The following DNAAF9 variants were observed in gnomAD, a reference collection of about 807,000 sequenced individuals.
DNAAF9 encodes the protein dynein axonemal assembly factor 9, also known as shulin.
Under a neutral mutation model 167.0 loss-of-function variants are expected in DNAAF9, and 90 were observed. The ratio of observed to expected loss-of-function variants is 0.54; its 90% CI spans 0.45 to 0.64. The LOEUF (loss-of-function observed/expected upper bound fraction) is 0.64. Ranked by LOEUF, DNAAF9 falls within the 30% of genes least tolerant of loss-of-function variation. The probability of loss-of-function intolerance (pLI) is 0.00; values close to 1 mark genes in which losing one functional copy is unlikely to be tolerated. For missense variants in DNAAF9, 1,315 were observed against 1,442.2 expected (o/e 0.91, Z 1.43); for synonymous variants, 491 against 508.8 (o/e 0.96, Z 0.47).
At position 3,394,942 on chromosome 20, in the gene DNAAF9, CTTTTTTCTTTTTTTTTTTTTTTT is replaced by C. The variant is rs1293825340; in HGVS notation, c.84-12459_84-12437del. ...TTCCATGGCTTTTACTGAACATTTT[CTTTTTTCTTTTTTTTTTTTTTTT>C]TTTTTTTTTTTTTTTTTTTTGAGAC... On this transcript the variant is annotated intron_variant, in intron 1 of 36. Coordinates refer to ENST00000252032, the MANE Select transcript of DNAAF9 (RefSeq NM_001009984.3). 1.3e-3 allele frequency among the ~76,000 whole-genome samples: 119 copies of C among 89,034 alleles called. 2 individuals are homozygous for C. The highest frequency in any genetic ancestry group is 2.2e-3 in the Non-Finnish European group (93 of 42,880). The allele number at this position is 89,034 out of a possible 152,430, so 58.4% of individuals were successfully genotyped here.
intron 33 of DNAAF9, among the ~76,000 whole-genome samples, chr20:3,258,479 T>C (rs568055948): frequency 2.9e-4 from 44 of 152,252 alleles, no homozygotes; most frequent in African/African-American, 1.0e-3. Flanking sequence ...CCATGGGTGA[T>C]GGGTCCAGAA....
intron 7 of DNAAF9, among the ~76,000 whole-genome samples, chr20:3,358,533 C>A (rs2083319094): frequency 6.6e-6 from 1 of 152,200 alleles, no homozygotes; most frequent in African/African-American, 2.4e-5. Flanking sequence ...ATCCACCTGC[C>A]TCAGCCTCCT....
chr20:3,353,553 G>A (rs2070367451), intron 7 of DNAAF9, among the ~76,000 whole-genome samples: 1 of 151,810 alleles, frequency 6.6e-6, no homozygotes, highest in Non-Finnish European at 1.5e-5. Flanking sequence ...ACTTGAGACT[G>A]GGAGGCAGAG....
At chr20:3,376,803 G>C (rs1402394914) in intron 3 of DNAAF9, among the ~76,000 whole-genome samples, 2 of 152,184 alleles carry the variant, frequency 1.3e-5, no homozygotes, top group Non-Finnish European at 2.9e-5. Context: ...GGTGGCTCAC[G>C]CCTGTAATCC....
intron 13 of DNAAF9, 74 bp from the exon 14 acceptor site, chr20:3,325,042 C>G (rs2069686178): frequency 1.2e-6 from 1 of 832,666 alleles, no homozygotes; most frequent in African/African-American, 1.7e-5. Context: ...TGGAAGGGCC[C>G]TCCTAACACT....
intron 7 of DNAAF9, among the ~76,000 whole-genome samples, chr20:3,357,821 C>A (rs1427166578): frequency 6.6e-6 from 1 of 151,604 alleles, no homozygotes; most frequent in African/African-American, 2.4e-5. Flanking sequence ...CCACTCTGGG[C>A]AACACAGCAA....
chr20:3,308,696 G>T (rs1235870322), intron 20 of DNAAF9, among the ~76,000 whole-genome samples: 1 of 151,366 alleles, frequency 6.6e-6, no homozygotes, highest in Non-Finnish European at 1.5e-5. Context: ...GCTCCCTCCA[G>T]CCAGGTACAG....
intron 10 of DNAAF9, among the ~76,000 whole-genome samples, chr20:3,337,215 T>C (rs2069974541): frequency 6.6e-6 from 1 of 151,798 alleles, no homozygotes; most frequent in Admixed American, 6.6e-5. Context: ...TATTTCGTTG[T>C]TGAAACTTTC....
intron 1 of DNAAF9, among the ~76,000 whole-genome samples, chr20:3,386,085 G>A (rs899276791): frequency 5.3e-5 from 8 of 152,132 alleles, no homozygotes; most frequent in African/African-American, 1.2e-4. Context: ...TCAGGAGTTC[G>A]AGGCCAGCCT....
chr20:3,323,681 CT>C (rs1468991730), intron 14 of DNAAF9, among the ~76,000 whole-genome samples: 1 of 152,204 alleles, frequency 6.6e-6, no homozygotes, highest in African/African-American at 2.4e-5. Context: ...CTTCTTGTGC[CT>C]TTCTCCAGCT....
intron 6 of DNAAF9, among the ~76,000 whole-genome samples, chr20:3,361,653 A>T (rs1204144130): frequency 6.6e-6 from 1 of 152,278 alleles, no homozygotes; most frequent in Non-Finnish European, 1.5e-5. Flanking sequence ...AACTACATGG[A>T]CAGTGGCTAC....
At chr20:3,260,345 CA>C (rs773574489) in intron 31 of DNAAF9, among the ~76,000 whole-genome samples, 15 of 148,404 alleles carry the variant, frequency 1.0e-4, no homozygotes, top group Admixed American at 4.0e-4. Flanking sequence ...GACTCCGTCT[CA>C]AAAAAAAAAA....
chr20:3,305,407 G>A (rs1443546718), intron 20 of DNAAF9, among the ~76,000 whole-genome samples: 3 of 152,228 alleles, frequency 2.0e-5, no homozygotes, highest in Admixed American at 2.0e-4. Context: ...CGCATATAGA[G>A]GGAGATGAAG....
In DNAAF9 at chr20:3,340,582, A is replaced by G. The variant is rs1359324431; in HGVS notation, c.903T>C (p.Asn301=). ...CAGAAGGGAAGTTAAAGTTGCCAGCATTCAGGTTTTCTCGTGTGGAGTGAT... is the reference window on the plus strand; with the variant it reads ...CAGAAGGGAAGTTAAAGTTGCCAGCGTTCAGGTTTTCTCGTGTGGAGTGAT... ...FGNHSTRENL[N]AGNFNFPSEG... The change falls in exon 10 of 37, where the codon AAT becomes AAC. Residue 301 remains asparagine, a synonymous_variant. Transcript: ENST00000252032. 7 of 1,613,810 alleles carry G rather than the reference A, an allele frequency of 4.3e-6. No individual in the cohort carries two copies. The highest frequency in any genetic ancestry group is 5.1e-6 in the Non-Finnish European group (6 of 1,179,850).
intron 35 of DNAAF9, 79 bp from the exon 36 acceptor site, chr20:3,253,898 TTTCC>T: frequency 2.4e-6 from 2 of 848,944 alleles, no homozygotes; most frequent in Non-Finnish European, 4.0e-6. Context: ...AACAAGTCTA[TTTCC>T]CTAGCAAGAT....
At chr20:3,355,625 C>G (rs903753893) in intron 7 of DNAAF9, among the ~76,000 whole-genome samples, 9 of 151,898 alleles carry the variant, frequency 5.9e-5, no homozygotes, top group African/African-American at 1.9e-4. Flanking sequence ...TTATCAAATG[C>G]CTTTTTTTAG....
intron 25 of DNAAF9, 80 bp from the exon 26 acceptor site, chr20:3,290,297 G>C (rs1223422553): frequency 3.3e-6 from 3 of 915,874 alleles, no homozygotes; most frequent in Non-Finnish European, 5.4e-6. Flanking sequence ...CTGACTTCTG[G>C]TGCCAAGCAT....
intron 33 of DNAAF9, 99 bp from the exon 34 acceptor site, chr20:3,256,310 G>C (rs1424387092): frequency 1.2e-6 from 1 of 859,940 alleles, no homozygotes; most frequent in Non-Finnish European, 1.9e-6. Flanking sequence ...AGATTCATGA[G>C]AAAATGCAAG....
chr20:3,259,347 C>A (rs1249831157), intron 33 of DNAAF9, 133 bp downstream of exon 33: 1 of 714,258 alleles, frequency 1.4e-6, no homozygotes, highest in Non-Finnish European at 2.6e-6. Context: ...GCGTGAAGGC[C>A]CAGGGTGGGG....
Sources: gnomAD v4.1 joint callset for allele counts (sites outside exome capture counted in the v4.1 genomes callset) on GRCh38, gnomAD v4.1.1 for gene constraint, MANE v1.5 for transcripts, NCBI Gene and HGNC (gene_info 2026-07-23, HGNC 2026-07-21) for gene names.